The following IST1 variants were observed in gnomAD, a reference collection of about 807,000 sequenced individuals.
IST1 encodes the protein IST1 factor associated with ESCRT-III, also known as IST1 homolog.
IST1 carries 23 observed loss-of-function variants against 37.0 expected under a neutral mutation model. The ratio of observed to expected loss-of-function variants is 0.62; its 90% CI spans 0.45 to 0.88. The LOEUF (loss-of-function observed/expected upper bound fraction) is 0.88, where lower values mean the gene tolerates loss of function less well. Among genes scored for constraint, IST1 ranks in the 40% least tolerant of loss-of-function variants. IST1 has a pLI of 0.00. For missense variants in IST1, 488 were observed against 445.4 expected, an observed-to-expected ratio of 1.10 and a Z score of -0.86; for synonymous variants, 180 against 161.7, an observed-to-expected ratio of 1.11 and a Z score of -0.86.
chr16:71,929,704 A>G lies in IST1; in HGVS notation c.*1891A>G. The G allele has an allele frequency of 1.3e-6, 2 of 1,506,614 alleles. No individual in the cohort carries two copies. The highest frequency in any genetic ancestry group is 2.5e-5 in the East Asian group (1 of 40,516). 93.3% of individuals were successfully genotyped at this position (1,506,614 alleles called of 1,614,324 possible). A position where few individuals can be genotyped will look rare whatever the true frequency, so the allele number is the denominator to read the frequency against. On this transcript the variant is annotated 3_prime_UTR_variant, in exon 10 of 10. Transcript: ENST00000378799. ...CTGAGTATTGAAGACAAAAAGAGAA[A>G]AGTGAGAAAATTGAAATTACTGCTA...
chr16:71,929,874 A>G lies in IST1; in HGVS notation c.*2061A>G. ...ATTTATAGGACAATGGCTATAGAAT[A>G]TTATGTAGTCTTATAAATTGGGTTT... On this transcript the variant is annotated 3_prime_UTR_variant, in exon 10 of 10. Coordinates refer to ENST00000378799, the MANE Select transcript of IST1 (RefSeq NM_001270975.2). 2.0e-6 allele frequency: 2 copies of G among 985,414 alleles called. No homozygotes were observed. Among genetic ancestry groups the G allele is most frequent in the Non-Finnish European group, 2.9e-6 (2 of 686,144 alleles). The allele number at this position is 985,414 out of a possible 1,614,324, so 61.0% of individuals were successfully genotyped here. A position where few individuals can be genotyped will look rare whatever the true frequency, so the allele number is the denominator to read the frequency against.
intron 1 of IST1, among the ~76,000 whole-genome samples, 184 bp from the exon 2 acceptor site, chr16:71,915,442 C>A (rs1339803621): frequency 1.3e-5 from 2 of 152,156 alleles, no homozygotes; most frequent in South Asian, 4.1e-4. Context: ...CCAGTATTAT[C>A]CTTCCCCAAT....
chr16:71,897,402 C>T (rs1567457777), intron 1 of IST1, among the ~76,000 whole-genome samples: 1 of 151,966 alleles, frequency 6.6e-6, no homozygotes, highest in African/African-American at 2.4e-5. Context: ...CCTCTTTGTT[C>T]TTATGTCTCT....
chr16:71,895,446 C>T (rs2036942726), upstream of IST1: 1 of 889,438 alleles, frequency 1.1e-6, no homozygotes. Context: ...ATCGCGCAGC[C>T]AATCCCTGGA....
Position 71,929,360 on chromosome 16 carries a change from C to T in IST1, c.*1547C>T. 1.7e-6 allele frequency: 1 copy of T among 583,536 alleles called. No homozygotes were observed. Among genetic ancestry groups the T allele is most frequent in the South Asian group, 2.8e-5 (1 of 35,488 alleles). The allele number at this position is 583,536 out of a possible 1,614,324, so 36.1% of individuals were successfully genotyped here. On this transcript the variant is annotated 3_prime_UTR_variant, in exon 10 of 10. Coordinates refer to ENST00000378799, the MANE Select transcript of IST1 (RefSeq NM_001270975.2). ...CAGAGCTAGTTTGTCTCGTAGTATTCTTGCATTGTTAATCCTATCTTGACA... is the reference window on the plus strand; with the variant it reads ...CAGAGCTAGTTTGTCTCGTAGTATTTTTGCATTGTTAATCCTATCTTGACA...
chr16:71,925,204 G>A (rs1039791531), intron 9 of IST1, among the ~76,000 whole-genome samples: 3 of 151,704 alleles, frequency 2.0e-5, no homozygotes, highest in Non-Finnish European at 2.9e-5. Flanking sequence ...TAGTAGAGAC[G>A]GGGTTTCACC....
intron 1 of IST1, among the ~76,000 whole-genome samples, chr16:71,898,404 C>CG (rs1289182087): frequency 1.4e-5 from 2 of 147,202 alleles, no homozygotes; most frequent in Non-Finnish European, 3.0e-5. Flanking sequence ...TCTCTTGGTG[C>CG]GGGGCACTGT....
rs747135804 is a variant in IST1, at chr16:71,920,809, C to T, written c.428C>T (p.Thr143Ile). The change falls in exon 5 of 10, where the codon ACT becomes ATT. Residue 143 changes from threonine to isoleucine, a missense_variant. By Grantham distance (89) the Thr-to-Ile change is moderately conservative. Coordinates refer to ENST00000378799, the MANE Select transcript of IST1 (RefSeq NM_001270975.2). Reference sequence around the variant, plus strand: ...CTATGTAGGACCAACCAGATTGGAACTGTGAATGACAGGGTAATGAACATA... The same window carrying T: ...CTATGTAGGACCAACCAGATTGGAATTGTGAATGACAGGGTAATGAACATA... ...GKLCRTNQIG[T>I]VNDRLMHKLS... The T allele has an allele frequency of 2.5e-6, 4 of 1,610,800 alleles. No individual in the cohort carries two copies. The highest frequency in any genetic ancestry group is 1.7e-5 in the Admixed American group (1 of 60,016).
At position 71,916,524 on chromosome 16, in the gene IST1, C is replaced by T. The variant is rs776680375; in HGVS notation, c.151C>T (p.Arg51Ter). The T allele has an allele frequency of 6.2e-6, 10 of 1,613,532 alleles. No individual in the cohort carries two copies. Among genetic ancestry groups the T allele is most frequent in the African/African-American group, 2.7e-5 (2 of 74,902 alleles). ...CTATCTGGCTGCTGGGAAAGATGAA[C>T]GAGCTCGGATCCGTGTGGAGCACAT... ...ADYLAAGKDE[R>*]ARIRVEHIIR... Residue 51 changes from arginine to a stop codon, truncating the protein, a stop_gained, in exon 3 of 10, where the codon CGA (arginine) becomes TGA (stop). Coordinates refer to ENST00000378799, the MANE Select transcript of IST1 (RefSeq NM_001270975.2). LOFTEE classifies it high-confidence loss of function.
chr16:71,922,069 G>A (rs569879473), intron 6 of IST1, among the ~76,000 whole-genome samples: 9 of 152,246 alleles, frequency 5.9e-5, no homozygotes, highest in African/African-American at 2.2e-4. Context: ...CCCAGGAGGT[G>A]GAAGAGCTTG....
intron 5 of IST1, 56 bp downstream of exon 5, chr16:71,920,878 T>C: frequency 8.1e-7 from 1 of 1,227,514 alleles, no homozygotes; most frequent in South Asian, 1.2e-5. Context: ...TTTATTGTAC[T>C]GCTTGTGGCA....
At chr16:71,910,499 G>A (rs906486433) in intron 1 of IST1, among the ~76,000 whole-genome samples, 7 of 151,980 alleles carry the variant, frequency 4.6e-5, no homozygotes, top group East Asian at 1.9e-4. Flanking sequence ...CCAGCTACTC[G>A]GGAGGCTGAG....
At chr16:71,901,825 T>A (rs946528132) in intron 1 of IST1, among the ~76,000 whole-genome samples, 4 of 152,248 alleles carry the variant, frequency 2.6e-5, no homozygotes, top group African/African-American at 9.6e-5. Context: ...GCGACAGCTT[T>A]GTACAAAACA....
In IST1 at chr16:71,897,125, C is replaced by T. The variant is rs146497333; in HGVS notation, c.-16+1536C>T. Among the ~76,000 whole-genome samples, 960 of 151,648 alleles carry T rather than the reference C, an allele frequency of 6.3e-3. 5 individuals carry two copies. The highest frequency in any genetic ancestry group is 0.011 in the Non-Finnish European group (729 of 67,924). On this transcript the variant is annotated intron_variant, in intron 1 of 9. Coordinates refer to ENST00000378799, the MANE Select transcript of IST1 (RefSeq NM_001270975.2). The stretch of plus-strand genomic sequence containing the variant: ...CCTTTCAGGACTCAAGTGATCCTCC[C>T]GCCCCAGCCTTGGGAGTAGTAGCTG...
intron 5 of IST1, 88 bp downstream of exon 5, chr16:71,920,910 T>C (rs745920804): frequency 2.2e-6 from 2 of 927,140 alleles, no homozygotes; most frequent in Non-Finnish European, 3.6e-6. Context: ...TACCACTGTA[T>C]TGCTCAGTAT....
chr16:71,917,889 G>C (rs1212038035), intron 4 of IST1, among the ~76,000 whole-genome samples: 7 of 151,950 alleles, frequency 4.6e-5, no homozygotes, highest in Admixed American at 1.3e-4. Context: ...TGTCATGTTT[G>C]TTTCTCTCAA....
chr16:71,924,366 T>G, intron 8 of IST1: 1 of 373,758 alleles, frequency 2.7e-6, no homozygotes, highest in South Asian at 2.1e-5. Context: ...TCCCAGCACT[T>G]TGGGAGGCTT....
intron 1 of IST1, among the ~76,000 whole-genome samples, chr16:71,909,009 A>G (rs1290202096): frequency 6.6e-6 from 1 of 151,928 alleles, no homozygotes; most frequent in Non-Finnish European, 1.5e-5. Flanking sequence ...TCTATTTTTA[A>G]GGACCATCCA....
Position 71,930,974 on chromosome 16 carries a change from T to C in IST1, c.*3161T>C, listed in dbSNP as rs1297313297. 2 of 152,220 alleles carry C rather than the reference T, an allele frequency of 1.3e-5. No homozygotes were observed. Among genetic ancestry groups the C allele is most frequent in the South Asian group, 2.1e-4 (1 of 4,832 alleles). The allele number at this position is 152,220 out of a possible 1,614,324, so 9.4% of individuals were successfully genotyped here. ...TGTTTTACCTACTTAAAAATGATTATTATAACAATTTCAGGTCAACCAGAT... is the reference window on the plus strand; with the variant it reads ...TGTTTTACCTACTTAAAAATGATTACTATAACAATTTCAGGTCAACCAGAT... On this transcript the variant is annotated 3_prime_UTR_variant, in exon 10 of 10. Transcript: ENST00000378799.
Sources: allele counts gnomAD v4.1 joint callset (sites outside exome capture counted in the v4.1 genomes callset), GRCh38; gene constraint gnomAD v4.1.1; transcripts MANE v1.5; gene names NCBI Gene and HGNC (gene_info 2026-07-23, HGNC 2026-07-21).